The following LPO variants were observed in gnomAD, a reference collection of about 807,000 sequenced individuals.
LPO encodes the protein salivary peroxidase.
In LPO, 70 loss-of-function variants were observed where a neutral mutation model predicts 68.4. The ratio of observed to expected loss-of-function variants is 1.02; its 90% confidence interval spans 0.84 to 1.25. LPO has a LOEUF of 1.25. Among genes scored for constraint, LPO ranks in the 50% most tolerant of loss-of-function variants. The probability of loss-of-function intolerance (pLI) is 0.00; values close to 1 mark genes in which losing one functional copy is unlikely to be tolerated. For missense variants in LPO, 873 were observed against 908.4 expected, an observed-to-expected ratio of 0.96 and a Z score of 0.50; for synonymous variants, 360 against 357.6, an observed-to-expected ratio of 1.01 and a Z score of -0.08.
intron 8 of LPO, among the ~76,000 whole-genome samples, chr17:58,254,077 A>G (rs1970014017): frequency 6.6e-6 from 1 of 152,106 alleles, no homozygotes; most frequent in Non-Finnish European, 1.5e-5. Flanking sequence ...ATGCCATTGC[A>G]CTCCAGCCTG....
chr17:58,250,292 A>G, intron 6 of LPO, 123 bp from the exon 7 acceptor site: 2 of 787,284 alleles, frequency 2.5e-6, no homozygotes, highest in Non-Finnish European at 4.4e-6. Context: ...CCCACCTCAC[A>G]AACTCCTTGT....
chr17:58,254,797 T>C lies in LPO; in HGVS notation c.1106-14T>C. 6.2e-7 allele frequency: 1 copy of C among 1,613,690 alleles called. No individual in the cohort carries two copies. The highest frequency in any genetic ancestry group is 1.3e-5 in the African/African-American group (1 of 75,012). On this transcript the variant is annotated splice_polypyrimidine_tract_variant and intron_variant, in intron 8 of 12. Transcript: ENST00000262290. ...GTTAGGGAGAATCTACCTTCCTGCCTTCTGGGCTTTCAGGAGATTCTCGAG... is the reference window on the plus strand; with the variant it reads ...GTTAGGGAGAATCTACCTTCCTGCCCTCTGGGCTTTCAGGAGATTCTCGAG...
chr17:58,243,635 C>A, intron 2 of LPO: 1 of 320,942 alleles, frequency 3.1e-6, no homozygotes, highest in Non-Finnish European at 5.9e-6. Context: ...TCAGTGGGTC[C>A]TCTTTGATGA....
At position 58,268,355 on chromosome 17, in the gene LPO, G is replaced by T. The variant is rs1970316627; in HGVS notation, c.*361G>T. 1 of 285,390 alleles carries T rather than the reference G, an allele frequency of 3.5e-6. No individual in the cohort carries two copies. Among genetic ancestry groups the T allele is most frequent in the African/African-American group, 2.2e-5 (1 of 45,370 alleles). The allele number at this position is 285,390 out of a possible 1,614,324, so 17.7% of individuals were successfully genotyped here. A position where few individuals can be genotyped will look rare whatever the true frequency, so the allele number is the denominator to read the frequency against. On this transcript the variant is annotated 3_prime_UTR_variant, in exon 13 of 13. Transcript: ENST00000262290. Reference sequence around the variant, plus strand: ...GTAAGCTCCCTGGGCCAGGACTTCAGCCTGCCTCCGAGGGTCCCCTGTGGC... The same window carrying T: ...GTAAGCTCCCTGGGCCAGGACTTCATCCTGCCTCCGAGGGTCCCCTGTGGC...
chr17:58,255,787 C>T (rs1015336174), intron 9 of LPO, among the ~76,000 whole-genome samples: 4 of 152,178 alleles, frequency 2.6e-5, no homozygotes, highest in African/African-American at 9.7e-5. Context: ...TCTTACATAA[C>T]CAAGATACAC....
intron 7 of LPO, chr17:58,250,948 C>T: frequency 3.0e-6 from 1 of 328,374 alleles, no homozygotes; most frequent in Non-Finnish European, 5.8e-6. Flanking sequence ...GTCTACATTC[C>T]CGACCCAGCA....
Position 58,254,804 on chromosome 17 carries a change from C to T in LPO, c.1106-7C>T, listed in dbSNP as rs572368787. On this transcript the variant is annotated splice_polypyrimidine_tract_variant and splice_region_variant and intron_variant, in intron 8 of 12. Transcript: ENST00000262290. ...AGAATCTACCTTCCTGCCTTCTGGG[C>T]TTTCAGGAGATTCTCGAGCCTCAGA... The T allele has an allele frequency of 9.2e-5, 149 of 1,613,676 alleles. 2 individuals are homozygous for T. In the African/African-American group the frequency reaches 1.9e-3, roughly 20 times the overall value.
chr17:58,255,487 A>C (rs1323545887), intron 9 of LPO, among the ~76,000 whole-genome samples: 1 of 152,128 alleles, frequency 6.6e-6, no homozygotes, highest in East Asian at 1.9e-4. Context: ...ATTCTAATAT[A>C]TTGCAATAGG....
In LPO at chr17:58,267,927, A is replaced by G. The variant is rs200193350; in HGVS notation, c.2072A>G (p.Tyr691Cys). Residue 691 changes from tyrosine (Y) to cysteine (C), a missense_variant, in exon 13 of 13, where the codon TAT (tyrosine) becomes TGT (cysteine). Physicochemically the swap from Tyr to Cys is radical, Grantham distance 194. Transcript: ENST00000262290. ...CCATTCTGGGCCAACAGCTACCCCT[A>G]TGACTTCGTGGATTGCTCAGCCATC... ...RDPFWANSYP[Y>C]DFVDCSAIDK... The G allele has an allele frequency of 3.2e-5, 51 of 1,614,106 alleles. No homozygotes were observed. The highest frequency in any genetic ancestry group is 3.1e-4 in the South Asian group (28 of 91,080).
Position 58,247,639 on chromosome 17 carries a change from G to C in LPO, c.325+1G>C, listed in dbSNP as rs1969876897. 4 of 1,612,844 alleles carry C rather than the reference G, an allele frequency of 2.5e-6. No individual in the cohort carries two copies. In the Middle Eastern group the frequency reaches 5.0e-4, roughly 200 times the overall value. On this transcript the variant is annotated splice_donor_variant, in intron 4 of 12. Coordinates refer to ENST00000262290, the MANE Select transcript of LPO (RefSeq NM_006151.3). LOFTEE classifies it high-confidence loss of function. ...AAGGCATCCTTGACCAATGTCACAG[G>C]TACAGAAAACCCACCAGCCCTCTGT... is the stretch of plus-strand genomic sequence containing the variant.
At chr17:58,264,048 C>T (rs1279942687) in intron 9 of LPO, among the ~76,000 whole-genome samples, 1 of 152,094 alleles carries the variant, frequency 6.6e-6, no homozygotes, top group Non-Finnish European at 1.5e-5. Flanking sequence ...CAGAGCCTCA[C>T]TGTGAAAGCT....
chr17:58,247,570 G>T lies in LPO; in HGVS notation c.257G>T (p.Arg86Leu), dbSNP rs780447635. 3.7e-5 allele frequency: 60 copies of T among 1,614,052 alleles called. No individual in the cohort carries two copies. The highest frequency in any genetic ancestry group is 4.6e-5 in the Non-Finnish European group (54 of 1,180,032). ...AAAGGCCGGACGCGCACAGCCATCCGCAATGGACAGGTGTGGGAGGAGTCT... is the reference window on the plus strand; with the variant it reads ...AAAGGCCGGACGCGCACAGCCATCCTCAATGGACAGGTGTGGGAGGAGTCT... ...HAKGRTRTAI[R>L]NGQVWEESLK... Residue 86 changes from arginine (R) to leucine (L), a missense_variant, in exon 4 of 13, where the codon CGC becomes CTC. Arg to Leu is a moderately radical substitution (Grantham distance 102). Coordinates refer to ENST00000262290, the MANE Select transcript of LPO (RefSeq NM_006151.3).
intron 8 of LPO, 22 bp from the exon 9 acceptor site, chr17:58,254,789 T>C (rs1970037782): frequency 6.2e-7 from 1 of 1,613,120 alleles, no homozygotes; most frequent in African/African-American, 1.3e-5. Context: ...AGAATCTACC[T>C]TCCTGCCTTC....
intron 3 of LPO, among the ~76,000 whole-genome samples, chr17:58,244,972 T>G (rs914142577): frequency 6.6e-6 from 1 of 151,392 alleles, no homozygotes. Flanking sequence ...AAAAGTAACC[T>G]TATTCTTTCC....
chr17:58,244,265 C>T (rs1382206367), intron 3 of LPO, 184 bp downstream of exon 3: 3 of 608,054 alleles, frequency 4.9e-6, no homozygotes, highest in South Asian at 1.9e-5. Flanking sequence ...GGAGCAATAG[C>T]CCACAATTCC....
At chr17:58,239,776 C>A (rs1969720628) in intron 1 of LPO, among the ~76,000 whole-genome samples, 1 of 152,178 alleles carries the variant, frequency 6.6e-6, no homozygotes, top group Non-Finnish European at 1.5e-5. Context: ...GAAATGCAGA[C>A]TTTCAGGCCC....
chr17:58,255,443 AT>A (rs971523351), intron 9 of LPO, among the ~76,000 whole-genome samples: 3 of 152,220 alleles, frequency 2.0e-5, no homozygotes, highest in African/African-American at 7.2e-5. Context: ...CCATGCACAT[AT>A]TTTTTAAACA....
In LPO at chr17:58,249,825, A is replaced by AC. The variant is rs965927813; in HGVS notation, c.573+135dup. The AC allele has an allele frequency of 3.9e-6, 5 of 1,287,624 alleles. No homozygotes were observed. In the Admixed American group the frequency reaches 1.0e-4, roughly 27 times the overall value. 79.8% of individuals were successfully genotyped at this position (1,287,624 alleles called of 1,614,324 possible). A position where few individuals can be genotyped will look rare whatever the true frequency, so the allele number is the denominator to read the frequency against. On this transcript the variant is annotated intron_variant, in intron 6 of 12. Coordinates refer to ENST00000262290, the MANE Select transcript of LPO (RefSeq NM_006151.3). Reference sequence around the variant, plus strand: ...GGGTGCGCGATGGAGATCTGCACAGACCCCCACCTTCCGCTAGAGGGCAGC... The same window carrying AC: ...GGGTGCGCGATGGAGATCTGCACAGACCCCCCACCTTCCGCTAGAGGGCAGC...
At chr17:58,240,540 C>G (rs1969736047) in intron 1 of LPO, among the ~76,000 whole-genome samples, 1 of 152,186 alleles carries the variant, frequency 6.6e-6, no homozygotes, top group Admixed American at 6.5e-5. Context: ...TTGTATTCAC[C>G]TGGCTCTGAT....
Sources: gnomAD v4.1 joint callset for allele counts (sites outside exome capture counted in the v4.1 genomes callset) on GRCh38, gnomAD v4.1.1 for gene constraint, MANE v1.5 for transcripts, NCBI Gene and HGNC (gene_info 2026-07-23, HGNC 2026-07-21) for gene names.